Variants in MYH11 observed in about 807,000 individuals in gnomAD.
MYH11 encodes myosin-11.
A neutral mutation model predicts 246.6 loss-of-function variants in MYH11; 80 were observed. The observed-to-expected ratio is 0.32, with a 90% CI of 0.27 to 0.39. The LOEUF is 0.39. Ranked by LOEUF, MYH11 falls within the 10% of genes least tolerant of loss-of-function variation. MYH11 has a pLI of 1.00. For missense variants in MYH11, 2,158 were observed against 2,546.8 expected, an observed-to-expected ratio of 0.85 and a Z score of 3.29; for synonymous variants, 1,071 against 1,015.5, an observed-to-expected ratio of 1.05 and a Z score of -1.04.
rs530987281 is a variant in MYH11 at position 15,763,936 on chromosome 16, C to T, written c.1034-45G>A. The T allele has an allele frequency of 5.3e-6, 8 of 1,514,632 alleles. No individual in the cohort carries two copies. The East Asian group carries it at 1.6e-4, about 30-fold the overall frequency. 93.8% of individuals were successfully genotyped at this position (1,514,632 alleles called of 1,614,324 possible). A position where few individuals can be genotyped will look rare whatever the true frequency, so the allele number is the denominator to read the frequency against. On this transcript the variant is annotated intron_variant, in intron 9 of 40. Transcript: ENST00000300036. ...GCAGAGCAGACACAAAGGTCAATGC[C>T]AAGGTACCCTGGAGTTTTGGAGCCT...
intron 28 of MYH11, 170 bp from the exon 29 acceptor site, chr16:15,725,162 CAA>C (rs886051749): frequency 1.9e-4 from 121 of 636,114 alleles, no homozygotes; most frequent in East Asian, 6.3e-4. Context: ...CACACACACA[CAA>C]AAAAAACAGA....
At position 15,714,906 on chromosome 16, in the gene MYH11, C is replaced by T. The variant is rs1486512665; in HGVS notation, c.5786+3G>A. On this transcript the variant is annotated splice_donor_region_variant and intron_variant, in intron 40 of 40. Transcript: ENST00000300036. ...GGGTCCTCCCGGGCCACGGGCTCCT[C>T]ACCTGAGCTTGCTCTTGAGTGCGTT... The T allele has an allele frequency of 6.2e-7, 1 of 1,613,696 alleles. No individual in the cohort carries two copies. The highest frequency in any genetic ancestry group is 1.7e-5 in the Admixed American group (1 of 60,034).
chr16:15,727,779 C>T (rs1483800003), intron 27 of MYH11, among the ~76,000 whole-genome samples: 3 of 152,192 alleles, frequency 2.0e-5, no homozygotes, highest in African/African-American at 7.2e-5. Context: ...ACAAGACCAG[C>T]CTGGGCAATG....
chr16:15,723,689 C>A (rs1032830117), intron 31 of MYH11, among the ~76,000 whole-genome samples: 1 of 152,132 alleles, frequency 6.6e-6, no homozygotes, highest in Admixed American at 6.6e-5. Flanking sequence ...GTGTCAATGA[C>A]TGAATCCAGG....
intron 3 of MYH11, among the ~76,000 whole-genome samples, chr16:15,800,487 G>T (rs2042856898): frequency 6.8e-6 from 1 of 146,352 alleles, no homozygotes; most frequent in Admixed American, 6.7e-5. Context: ...TGGGTATATA[G>T]CTGGTTGGAC....
rs776843079 is a variant in MYH11 at position 15,757,899 on chromosome 16, G to C, written c.1503C>G (p.Arg501=). 7.4e-6 allele frequency: 12 copies of C among 1,614,080 alleles called. No homozygotes were observed. Among genetic ancestry groups the C allele is most frequent in the African/African-American group, 2.7e-5 (2 of 74,946 alleles). Residue 501 remains arginine, a synonymous_variant, in exon 13 of 41, where the codon CGC becomes CGG. Coordinates refer to ENST00000300036, the MANE Select transcript of MYH11 (RefSeq NM_002474.3). ...CGATGAAGTTCCACTCGATGCCCTC[G>C]CGCTGGTACTCCTCCTGCTCCAGGA... ...MFILEQEEYQ[R]EGIEWNFIDF... is the part of the protein sequence containing the mutation.
chr16:15,708,208 C>T (rs1036224525), intron 40 of MYH11, among the ~76,000 whole-genome samples: 3 of 152,234 alleles, frequency 2.0e-5, no homozygotes, highest in South Asian at 2.1e-4. Flanking sequence ...GTGCAGCCCC[C>T]GGCATTTGTC....
At chr16:15,708,893 C>G (rs755881773) in intron 40 of MYH11, 1 of 1,529,416 alleles carries the variant, frequency 6.5e-7, no homozygotes, top group African/African-American at 1.4e-5. Flanking sequence ...CAAGAAGGAG[C>G]CCGGTTAAGT....
intron 37 of MYH11, chr16:15,718,049 C>T: frequency 1.8e-6 from 1 of 563,052 alleles, no homozygotes; most frequent in Non-Finnish European, 3.2e-6. Flanking sequence ...AAGGCCCGGA[C>T]TCCAGGGATG....
At chr16:15,852,615 A>G (rs955988981) in intron 1 of MYH11, among the ~76,000 whole-genome samples, 1 of 152,120 alleles carries the variant, frequency 6.6e-6, no homozygotes, top group African/African-American at 2.4e-5. Context: ...CTGGGATTAC[A>G]GGCGTGAGCC....
At chr16:15,784,413 C>T (rs2042421000) in intron 5 of MYH11, among the ~76,000 whole-genome samples, 1 of 152,136 alleles carries the variant, frequency 6.6e-6, no homozygotes, top group Non-Finnish European at 1.5e-5. Flanking sequence ...TTGAAGGGTG[C>T]AGGGGTTCAT....
At position 15,847,338 on chromosome 16, in the gene MYH11, C is replaced by T. The variant is rs928691131; in HGVS notation, c.-17-9069G>A. ...TGACCTCAGCTCACGGCAACCTCCG[C>T]CTCCCAGGCTCAAGTGATCCTCCCA... On this transcript the variant is annotated intron_variant, in intron 1 of 40. Transcript: ENST00000300036. 2.6e-5 allele frequency among the ~76,000 whole-genome samples: 4 copies of T among 151,176 alleles called. No homozygotes were observed. In the East Asian group the frequency reaches 7.8e-4, roughly 29 times the overall value.
At chr16:15,798,412 G>A (rs1202083486) in intron 4 of MYH11, among the ~76,000 whole-genome samples, 1 of 152,020 alleles carries the variant, frequency 6.6e-6, no homozygotes, top group Non-Finnish European at 1.5e-5. Context: ...AAGGAGGAGA[G>A]GTATGGAACC....
intron 3 of MYH11, among the ~76,000 whole-genome samples, chr16:15,801,909 A>G (rs535799767): frequency 6.6e-6 from 1 of 152,126 alleles, no homozygotes; most frequent in African/African-American, 2.4e-5. Context: ...GTGAGGTGAG[A>G]TCATGCCACT....
chr16:15,710,612 A>T (rs2039726782), intron 40 of MYH11, among the ~76,000 whole-genome samples: 1 of 152,102 alleles, frequency 6.6e-6, no homozygotes, highest in Admixed American at 6.6e-5. Flanking sequence ...CTGTATCCCC[A>T]TCGCTCAGCC....
At chr16:15,710,128 C>G (rs933682035) in intron 40 of MYH11, among the ~76,000 whole-genome samples, 1 of 152,188 alleles carries the variant, frequency 6.6e-6, no homozygotes, top group African/African-American at 2.4e-5. Flanking sequence ...CGTGTCGGAA[C>G]TGGCAAAAAT....
intron 2 of MYH11, among the ~76,000 whole-genome samples, chr16:15,827,240 G>A (rs1001943820): frequency 6.6e-5 from 10 of 152,150 alleles, no homozygotes; most frequent in Non-Finnish European, 1.3e-4. Flanking sequence ...CACGTCGTAA[G>A]AACAGAGAAT....
chr16:15,705,498 C>T (rs2039399022), intron 40 of MYH11, among the ~76,000 whole-genome samples: 1 of 152,324 alleles, frequency 6.6e-6, no homozygotes, highest in South Asian at 2.1e-4. Flanking sequence ...AGAAGAAACA[C>T]TTAACTCTTT....
chr16:15,703,786 C>T lies in MYH11; in HGVS notation c.*205G>A. On this transcript the variant is annotated 3_prime_UTR_variant, in exon 41 of 41. Transcript: ENST00000300036. ...AAATTCTTGTATAGATGAGGTTTTA[C>T]TACGTTGCCCAGGCTGGAGGGTGGT... The T allele has an allele frequency of 3.0e-6, 2 of 677,840 alleles. No homozygotes were observed. The highest frequency in any genetic ancestry group is 5.1e-6 in the Non-Finnish European group (2 of 390,726). The allele number at this position is 677,840 out of a possible 1,614,324, so 42.0% of individuals were successfully genotyped here.
Sources: allele counts gnomAD v4.1 joint callset (sites outside exome capture counted in the v4.1 genomes callset), GRCh38; gene constraint gnomAD v4.1.1; transcripts MANE v1.5; gene names NCBI Gene and HGNC (gene_info 2026-07-23, HGNC 2026-07-21).